The following DGKB variants were observed in gnomAD, a reference collection of about 807,000 sequenced individuals.
DGKB encodes diacylglycerol kinase beta.
Under a neutral mutation model 114.3 loss-of-function variants are expected in DGKB, and 67 were observed. That is an observed-to-expected ratio of 0.59 (90% CI 0.48 to 0.72). The LOEUF (loss-of-function observed/expected upper bound fraction) is 0.72, where lower values mean the gene tolerates loss of function less well. Ranked by LOEUF, DGKB falls within the 30% of genes least tolerant of loss-of-function variation. The probability of loss-of-function intolerance (pLI) is 0.00; values close to 1 mark genes in which losing one functional copy is unlikely to be tolerated. For synonymous variants in DGKB, 398 were observed against 323.1 expected, an observed-to-expected ratio of 1.23 and a Z score of -2.49; for missense variants, 907 against 975.2, an observed-to-expected ratio of 0.93 and a Z score of 0.93.
At chr7:14,304,087 A>ACACT (rs140836395) in intron 23 of DGKB, among the ~76,000 whole-genome samples, 25 of 110,072 alleles carry the variant, frequency 2.3e-4, no homozygotes, top group African/African-American at 6.6e-4. Context: ...ACACACACAC[A>ACACT]CTCTCTCTCT....
chr7:14,386,496 A>G (rs1367378920), intron 21 of DGKB, among the ~76,000 whole-genome samples: 2 of 152,214 alleles, frequency 1.3e-5, no homozygotes, highest in Admixed American at 6.5e-5. Flanking sequence ...TCATTCATCA[A>G]GAAAGCCCTG....
intron 20 of DGKB, among the ~76,000 whole-genome samples, chr7:14,520,251 T>G (rs1554490123): frequency 7.0e-6 from 1 of 142,960 alleles, no homozygotes; most frequent in Non-Finnish European, 1.5e-5. Flanking sequence ...AACTGGATTT[T>G]GTCGGTTTTC....
At chr7:14,630,853 G>A (rs10271056) in intron 13 of DGKB, among the ~76,000 whole-genome samples, 40,214 of 150,816 alleles carry the variant, frequency 0.27, 6,136 homozygotes, top group East Asian at 0.59. Context: ...TCACAACTGT[G>A]TTTTCCATTA....
intron 20 of DGKB, among the ~76,000 whole-genome samples, chr7:14,515,795 C>G (rs1788697651): frequency 6.6e-6 from 1 of 152,076 alleles, no homozygotes; most frequent in Admixed American, 6.6e-5. Flanking sequence ...GTAGTTATTA[C>G]AGAACTATAA....
intron 1 of DGKB, among the ~76,000 whole-genome samples, chr7:14,896,207 C>T (rs217590): frequency 0.96 from 145,568 of 151,642 alleles, 70,153 homozygotes; most frequent in East Asian, 1. Flanking sequence ...AGGATGATAG[C>T]TATGACTATG....
intron 12 of DGKB, among the ~76,000 whole-genome samples, chr7:14,680,601 T>G (rs916410475): frequency 6.6e-6 from 1 of 151,594 alleles, no homozygotes; most frequent in Admixed American, 6.6e-5. Context: ...AGCAAAACCA[T>G]GAGGAAAACA....
intron 25 of DGKB, among the ~76,000 whole-genome samples, chr7:14,163,428 C>T (rs773771590): frequency 2.0e-5 from 3 of 152,070 alleles, no homozygotes; most frequent in African/African-American, 4.8e-5. Context: ...GGGGAACACA[C>T]AAAATAATGT....
chr7:14,391,531 A>T (rs969616261), intron 21 of DGKB, among the ~76,000 whole-genome samples: 6 of 152,028 alleles, frequency 3.9e-5, no homozygotes, highest in African/African-American at 1.2e-4. Context: ...TAAAAAAAAA[A>T]AAAGGAAAAA....
At chr7:14,591,644 C>T (rs1289778728) in intron 17 of DGKB, among the ~76,000 whole-genome samples, 1 of 152,044 alleles carries the variant, frequency 6.6e-6, no homozygotes, top group African/African-American at 2.4e-5. Context: ...AACACTGTTC[C>T]TATAGTTAAC....
rs1321336239 is a variant in DGKB at position 14,638,716 on chromosome 7, T to G, written c.1135-8448A>C. Among the ~76,000 whole-genome samples, 6 of 152,234 alleles carry G rather than the reference T, an allele frequency of 3.9e-5. No individual in the cohort carries two copies. In the East Asian group the frequency reaches 1.2e-3, roughly 29 times the overall value. On this transcript the variant is annotated intron_variant, in intron 13 of 25. Transcript: ENST00000402815. The stretch of plus-strand genomic sequence containing the variant: ...AATTCCTGCTATGTTGACTTTAAGC[T>G]TCTGTGGGATATATCTGAGAGGAAA...
At chr7:14,700,495 C>T (rs999855420) in intron 7 of DGKB, among the ~76,000 whole-genome samples, 1 of 152,168 alleles carries the variant, frequency 6.6e-6, no homozygotes, top group Admixed American at 6.6e-5. Context: ...GGATTACAGG[C>T]ATAAGCCACC....
rs1781759112 is a variant in DGKB at position 14,176,516 on chromosome 7, A to C, written c.2304+323T>G. On this transcript the variant is annotated intron_variant, in intron 25 of 25. Coordinates refer to ENST00000402815, the MANE Select transcript of DGKB (RefSeq NM_001350709.2). Reference sequence around the variant, plus strand: ...TCTAATAATGTGCTCTGAAATAAACAAAAAAGTTTCAGATAAACTTTTATT... The same window carrying C: ...TCTAATAATGTGCTCTGAAATAAACCAAAAAGTTTCAGATAAACTTTTATT... The C allele has an allele frequency of 2.9e-6, 3 of 1,030,816 alleles. No individual in the cohort carries two copies. The South Asian group carries it at 1.4e-4, about 47-fold the overall frequency. 63.9% of individuals were successfully genotyped at this position (1,030,816 alleles called of 1,614,324 possible).
chr7:14,872,389 C>T (rs956329515), intron 1 of DGKB, among the ~76,000 whole-genome samples: 1 of 152,152 alleles, frequency 6.6e-6, no homozygotes, highest in African/African-American at 2.4e-5. Context: ...GCAAATACTA[C>T]CGGTTGACTG....
At chr7:14,450,482 G>C (rs1160101392) in intron 21 of DGKB, among the ~76,000 whole-genome samples, 6 of 152,140 alleles carry the variant, frequency 3.9e-5, no homozygotes, top group Non-Finnish European at 7.4e-5. Flanking sequence ...AGAGGGCAAA[G>C]CCCTACAGTG....
chr7:14,572,178 G>A (rs1206720686), intron 20 of DGKB, among the ~76,000 whole-genome samples: 1 of 151,962 alleles, frequency 6.6e-6, no homozygotes, highest in East Asian at 1.9e-4. Context: ...TATAGGCCGG[G>A]CGCGGTAGCT....
intron 17 of DGKB, among the ~76,000 whole-genome samples, chr7:14,588,782 C>T: frequency 6.6e-6 from 1 of 152,120 alleles, no homozygotes; most frequent in Non-Finnish European, 1.5e-5. Flanking sequence ...TCCATCTCTG[C>T]ACTAGTACCA....
intron 2 of DGKB, among the ~76,000 whole-genome samples, chr7:14,783,508 C>G (rs752130292): frequency 2.6e-5 from 4 of 152,186 alleles, no homozygotes; most frequent in Non-Finnish European, 4.4e-5. Context: ...CTTATTGAAG[C>G]CATTTCATCC....
At chr7:14,225,120 G>A (rs1408709987) in intron 23 of DGKB, among the ~76,000 whole-genome samples, 1 of 151,974 alleles carries the variant, frequency 6.6e-6, no homozygotes, top group African/African-American at 2.4e-5. Context: ...GTTTTTGAAA[G>A]CACCCTTAGG....
intron 5 of DGKB, among the ~76,000 whole-genome samples, chr7:14,734,330 T>C (rs1383071385): frequency 1.3e-5 from 2 of 152,116 alleles, no homozygotes; most frequent in Non-Finnish European, 2.9e-5. Flanking sequence ...TGATCCACCG[T>C]GTCCGGCCTC....
Sources: gnomAD v4.1 joint callset for allele counts (sites outside exome capture counted in the v4.1 genomes callset) on GRCh38, gnomAD v4.1.1 for gene constraint, MANE v1.5 for transcripts, NCBI Gene and HGNC (gene_info 2026-07-23, HGNC 2026-07-21) for gene names.